Variants in PPP3CA observed in about 807,000 individuals in gnomAD.
PPP3CA encodes the protein CAM-PRP catalytic subunit.
In PPP3CA, 14 loss-of-function variants were observed where a neutral mutation model predicts 66.5. The ratio of observed to expected loss-of-function variants is 0.21; its 90% CI spans 0.14 to 0.33. The LOEUF (loss-of-function observed/expected upper bound fraction) is 0.33, where lower values mean the gene tolerates loss of function less well. PPP3CA is among the 10% of genes least tolerant of loss of function. The pLI, the probability that PPP3CA is intolerant of heterozygous loss-of-function variation, is 1.00. For synonymous variants in PPP3CA, 232 were observed against 226.2 expected, an observed-to-expected ratio of 1.03 and a Z score of -0.23; for missense variants, 317 against 639.5, an observed-to-expected ratio of 0.50 and a Z score of 5.44.
At chr4:101,251,806 A>C (rs2110245297) in intron 1 of PPP3CA, among the ~76,000 whole-genome samples, 1 of 152,316 alleles carries the variant, frequency 6.6e-6, no homozygotes, top group Non-Finnish European at 1.5e-5. Flanking sequence ...AGAAACTTTC[A>C]TCATTTCTGA....
chr4:101,067,678 A>AG (rs1560585800), intron 8 of PPP3CA, among the ~76,000 whole-genome samples: 2 of 116,922 alleles, frequency 1.7e-5, no homozygotes, highest in Non-Finnish European at 3.3e-5. Flanking sequence ...GGGTGGGGGG[A>AG]CGGGGAGGGA....
At chr4:101,187,022 T>G (rs762431787) in intron 2 of PPP3CA, among the ~76,000 whole-genome samples, 15 of 152,130 alleles carry the variant, frequency 9.9e-5, no homozygotes, top group East Asian at 1.9e-4. Context: ...ACTGAATAGA[T>G]AGAAAGCTGA....
At chr4:101,079,311 AC>A (rs1248302948) in intron 8 of PPP3CA, among the ~76,000 whole-genome samples, 4 of 146,940 alleles carry the variant, frequency 2.7e-5, no homozygotes, top group Non-Finnish European at 4.5e-5. Flanking sequence ...GCCTTTTACC[AC>A]CCCTTCTGGG....
chr4:101,049,474 A>G (rs1282962585), intron 10 of PPP3CA, among the ~76,000 whole-genome samples: 1 of 152,162 alleles, frequency 6.6e-6, no homozygotes, highest in East Asian at 1.9e-4. Context: ...AGAAAATAAA[A>G]ACAAAAAGGA....
At chr4:101,239,993 A>T (rs1432339293) in intron 1 of PPP3CA, among the ~76,000 whole-genome samples, 2 of 150,962 alleles carry the variant, frequency 1.3e-5, no homozygotes, top group East Asian at 3.9e-4. Context: ...GGTTTAAAAT[A>T]AAAAGAGCCT....
intron 1 of PPP3CA, among the ~76,000 whole-genome samples, chr4:101,339,449 T>C (rs1729737878): frequency 6.6e-6 from 1 of 152,216 alleles, no homozygotes; most frequent in Non-Finnish European, 1.5e-5. Context: ...CTTAGCCTTT[T>C]ACATTCAGCA....
intron 1 of PPP3CA, among the ~76,000 whole-genome samples, chr4:101,312,200 T>C (rs930309686): frequency 5.3e-5 from 8 of 152,194 alleles, no homozygotes; most frequent in Admixed American, 2.6e-4. Context: ...ATATGTATTA[T>C]ATAATGCATA....
chr4:101,097,714 C>G (rs545373509), intron 5 of PPP3CA, among the ~76,000 whole-genome samples: 30 of 152,102 alleles, frequency 2.0e-4, no homozygotes, highest in Admixed American at 6.6e-4. Context: ...TAAAACTATC[C>G]CATGTTACTA....
At chr4:101,090,950 A>G (rs928975482) in intron 6 of PPP3CA, among the ~76,000 whole-genome samples, 6 of 147,762 alleles carry the variant, frequency 4.1e-5, no homozygotes, top group Non-Finnish European at 8.9e-5. Context: ...ATTATAATAT[A>G]CACACATATC....
chr4:101,343,600 A>T lies in PPP3CA; in HGVS notation c.58+3139T>A, dbSNP rs185202764. On this transcript the variant is annotated intron_variant, in intron 1 of 13. Transcript: ENST00000394854. Reference sequence around the variant, plus strand: ...TTTTCTCTGAATTTTTCTACTTTCCATTGTTTTAATCCAAGAAGAGTCAAA... The same window carrying T: ...TTTTCTCTGAATTTTTCTACTTTCCTTTGTTTTAATCCAAGAAGAGTCAAA... Among the ~76,000 whole-genome samples, 151 of 152,258 alleles carry T rather than the reference A, an allele frequency of 9.9e-4. 2 individuals are homozygous for T. The highest frequency in any genetic ancestry group is 3.4e-3 in the African/African-American group (142 of 41,566).
At chr4:101,106,453 G>GAAAGAAAGAAAGAAAGAAAGAGAAA (rs775018059) in intron 3 of PPP3CA, among the ~76,000 whole-genome samples, 1 of 35,504 alleles carries the variant, frequency 2.8e-5, no homozygotes, top group Non-Finnish European at 5.3e-5. Flanking sequence ...AAGAAAGAAA[G>GAAAGAAAGAAAGAAAGAAAGAGAAA]AGAAAAGAAA....
At chr4:101,276,149 C>G (rs1019394329) in intron 1 of PPP3CA, among the ~76,000 whole-genome samples, 3 of 152,114 alleles carry the variant, frequency 2.0e-5, no homozygotes, top group African/African-American at 7.2e-5. Flanking sequence ...CCTGCCTCAG[C>G]TTCCCAGAGC....
intron 2 of PPP3CA, among the ~76,000 whole-genome samples, chr4:101,113,320 C>T (rs1031850719): frequency 6.6e-6 from 1 of 152,090 alleles, no homozygotes; most frequent in Non-Finnish European, 1.5e-5. Flanking sequence ...TTCAGTATTA[C>T]TAAATACACC....
At chr4:101,116,464 G>T (rs191656921) in intron 2 of PPP3CA, among the ~76,000 whole-genome samples, 1 of 151,896 alleles carries the variant, frequency 6.6e-6, no homozygotes, top group East Asian at 1.9e-4. Context: ...ATTTTGCAGA[G>T]AAAGATTTTG....
intron 2 of PPP3CA, among the ~76,000 whole-genome samples, chr4:101,135,363 T>C (rs550005935): frequency 6.6e-6 from 1 of 152,230 alleles, no homozygotes; most frequent in East Asian, 1.9e-4. Flanking sequence ...CATGTCTGTG[T>C]TGAAACCCTT....
chr4:101,202,474 A>AT (rs1724998494), intron 1 of PPP3CA, among the ~76,000 whole-genome samples: 1 of 152,190 alleles, frequency 6.6e-6, no homozygotes, highest in South Asian at 2.1e-4. Context: ...TATGGGGGAT[A>AT]TGTGTTTATT....
Position 101,229,539 on chromosome 4 carries a change from C to T in PPP3CA, c.59-33423G>A, listed in dbSNP as rs1228378512. On this transcript the variant is annotated intron_variant, in intron 1 of 13. Transcript: ENST00000394854. ...ACTTTTCAAGAACTGTATTTGCTTC[C>T]TATTTTGATCTATTTATTCTTTGCA... is the stretch of plus-strand genomic sequence containing the variant. Among the ~76,000 whole-genome samples the T allele has an allele frequency of 2.0e-5, 3 of 151,576 alleles. No homozygotes were observed. The East Asian group carries it at 5.8e-4, about 30-fold the overall frequency.
chr4:101,225,050 C>A (rs990374549), intron 1 of PPP3CA, among the ~76,000 whole-genome samples: 2 of 151,684 alleles, frequency 1.3e-5, no homozygotes, highest in Non-Finnish European at 3.0e-5. Context: ...AACACTTAAC[C>A]CCATGGAAGT....
At chr4:101,199,356 T>G (rs192266480) in intron 1 of PPP3CA, among the ~76,000 whole-genome samples, 5,219 of 152,280 alleles carry the variant, frequency 0.034, 316 homozygotes, top group African/African-American at 0.12. Context: ...TTACAACAAG[T>G]TGCTTTCATT....
Sources: allele counts gnomAD v4.1 joint callset (sites outside exome capture counted in the v4.1 genomes callset), GRCh38; gene constraint gnomAD v4.1.1; transcripts MANE v1.5; gene names NCBI Gene and HGNC (gene_info 2026-07-23, HGNC 2026-07-21).